Variants in SNX29 observed in about 807,000 individuals in gnomAD.
The protein encoded by SNX29 is sorting nexin-29.
Under a neutral mutation model 102.1 loss-of-function variants are expected in SNX29, and 78 were observed. That is an observed-to-expected ratio of 0.76 (90% CI 0.64 to 0.92). The LOEUF (loss-of-function observed/expected upper bound fraction) is 0.92. Ranked by LOEUF, SNX29 falls within the 40% of genes least tolerant of loss-of-function variation. The pLI is 0.00. For missense variants in SNX29, 1,280 were observed against 1,061.7 expected (o/e 1.21, Z -2.86); for synonymous variants, 580 against 414.5 (o/e 1.40, Z -4.85).
Position 12,571,622 on chromosome 16 carries a change from CT to C in SNX29, c.*3000del. 9 of 1,059,356 alleles carry C rather than the reference CT, an allele frequency of 8.5e-6. No individual in the cohort carries two copies. Among genetic ancestry groups the C allele is most frequent in the Non-Finnish European group, 9.1e-6 (8 of 875,670 alleles). 65.6% of individuals were successfully genotyped at this position (1,059,356 alleles called of 1,614,324 possible). A position where few individuals can be genotyped will look rare whatever the true frequency, so the allele number is the denominator to read the frequency against. ...GAACAGCAGGTTCCATCTTTCACAT[CT>C]TTTTTTCTCCCCCAGATGAAAGACG... On this transcript the variant is annotated 3_prime_UTR_variant, in exon 21 of 21. Coordinates refer to ENST00000566228, the MANE Select transcript of SNX29 (RefSeq NM_032167.5).
intron 8 of SNX29, among the ~76,000 whole-genome samples, chr16:12,058,495 G>GTTTTTTTTTTTTTTTTTT (rs1249420541): frequency 1.5e-4 from 16 of 106,540 alleles, no homozygotes; most frequent in Non-Finnish European, 2.5e-4. Context: ...TTGGTTTTTG[G>GTTTTTTTTTTTTTTTTTT]TTTTTTTTTT....
intron 20 of SNX29, among the ~76,000 whole-genome samples, chr16:12,545,004 G>C (rs1159766627): frequency 6.6e-6 from 1 of 152,220 alleles, no homozygotes; most frequent in Non-Finnish European, 1.5e-5. Flanking sequence ...GGCACAGCTA[G>C]GAAGCAGCAG....
At chr16:12,503,537 A>T (rs2096345701) in intron 19 of SNX29, among the ~76,000 whole-genome samples, 1 of 152,186 alleles carries the variant, frequency 6.6e-6, no homozygotes, top group African/African-American at 2.4e-5. Flanking sequence ...TTTCAGTGAG[A>T]AGCTGAGGAA....
At chr16:12,401,327 C>G (rs1301274670) in intron 17 of SNX29, among the ~76,000 whole-genome samples, 1 of 151,150 alleles carries the variant, frequency 6.6e-6, no homozygotes, top group East Asian at 1.9e-4. Context: ...TGAAATCATC[C>G]AAAGTATCTT....
intron 15 of SNX29, among the ~76,000 whole-genome samples, chr16:12,317,669 G>T (rs188828290): frequency 1.3e-5 from 2 of 152,350 alleles, no homozygotes; most frequent in African/African-American, 4.8e-5. Context: ...GCTTCACAGG[G>T]ACTAAGTGTG....
intron 18 of SNX29, among the ~76,000 whole-genome samples, chr16:12,440,996 A>G (rs1597387953): frequency 6.6e-6 from 1 of 152,096 alleles, no homozygotes; most frequent in Non-Finnish European, 1.5e-5. Flanking sequence ...CGTAGAAATC[A>G]TACAATACGT....
At chr16:12,564,682 C>T (rs1049411230) in intron 20 of SNX29, among the ~76,000 whole-genome samples, 1 of 150,170 alleles carries the variant, frequency 6.7e-6, no homozygotes, top group Non-Finnish European at 1.5e-5. Context: ...ACACATTCCT[C>T]TGTTGCTTAG....
chr16:12,189,722 T>G (rs2076596142), intron 13 of SNX29, among the ~76,000 whole-genome samples: 1 of 152,148 alleles, frequency 6.6e-6, no homozygotes, highest in African/African-American at 2.4e-5. Flanking sequence ...GATTGTTCAG[T>G]TTCTATTTTA....
chr16:12,564,042 A>T (rs4780450), intron 20 of SNX29, among the ~76,000 whole-genome samples: 129,091 of 152,138 alleles, frequency 0.85, 55,061 homozygotes, highest in African/African-American at 0.92. Flanking sequence ...GCACCGGTAA[A>T]AGGTTGTGGT....
chr16:12,347,635 G>C (rs1027886875), intron 15 of SNX29, among the ~76,000 whole-genome samples: 2 of 152,140 alleles, frequency 1.3e-5, no homozygotes, highest in African/African-American at 4.8e-5. Context: ...CACTTAGAGT[G>C]CTATCAGACC....
chr16:12,436,328 C>T (rs1283462917), intron 18 of SNX29, among the ~76,000 whole-genome samples: 2 of 152,142 alleles, frequency 1.3e-5, no homozygotes, highest in East Asian at 1.9e-4. Context: ...GGGGAAGGAA[C>T]GAAGACAGGA....
At chr16:12,528,071 C>CAAAGTGGGAATA (rs2076834626) in intron 20 of SNX29, among the ~76,000 whole-genome samples, 1 of 152,080 alleles carries the variant, frequency 6.6e-6, no homozygotes, top group African/African-American at 2.4e-5. Context: ...GTTATTCCCC[C>CAAAGTGGGAATA]ACCTTGGCCT....
chr16:12,475,076 T>A (rs1478247727), intron 18 of SNX29, among the ~76,000 whole-genome samples: 2 of 152,234 alleles, frequency 1.3e-5, no homozygotes, highest in Non-Finnish European at 2.9e-5. Flanking sequence ...TAGACCTGAA[T>A]TCTCTCCATA....
At chr16:12,543,351 T>G (rs1052461795) in intron 20 of SNX29, among the ~76,000 whole-genome samples, 1 of 152,128 alleles carries the variant, frequency 6.6e-6, no homozygotes. Flanking sequence ...AGCAGGGTGT[T>G]CAGCCCACCT....
intron 20 of SNX29, among the ~76,000 whole-genome samples, chr16:12,533,921 A>T (rs1325044635): frequency 1.3e-5 from 2 of 152,224 alleles, no homozygotes; most frequent in Non-Finnish European, 2.9e-5. Context: ...TTCATATAAA[A>T]TCTGATGTTT....
At chr16:12,358,094 A>G (rs1180253989) in intron 16 of SNX29, among the ~76,000 whole-genome samples, 1 of 152,198 alleles carries the variant, frequency 6.6e-6, no homozygotes, top group African/African-American at 2.4e-5. Context: ...CGTTTCTTTA[A>G]GGTCAGTACC....
At chr16:12,202,869 A>G (rs551652345) in intron 14 of SNX29, among the ~76,000 whole-genome samples, 2 of 152,324 alleles carry the variant, frequency 1.3e-5, no homozygotes, top group South Asian at 2.1e-4. Flanking sequence ...CATCACTTCA[A>G]CCTTAGGGTT....
At chr16:12,392,639 G>T (rs2083569476) in intron 16 of SNX29, among the ~76,000 whole-genome samples, 1 of 152,212 alleles carries the variant, frequency 6.6e-6, no homozygotes, top group Non-Finnish European at 1.5e-5. Flanking sequence ...GTCTATGTTT[G>T]TGTGAGGTTT....
At chr16:12,132,753 A>G (rs2054514512) in intron 13 of SNX29, among the ~76,000 whole-genome samples, 1 of 152,202 alleles carries the variant, frequency 6.6e-6, no homozygotes, top group South Asian at 2.1e-4. Flanking sequence ...GGTTGCTAAG[A>G]GTTTAAGGTG....
Sources: gnomAD v4.1 joint callset for allele counts (sites outside exome capture counted in the v4.1 genomes callset) on GRCh38, gnomAD v4.1.1 for gene constraint, MANE v1.5 for transcripts, NCBI Gene and HGNC (gene_info 2026-07-23, HGNC 2026-07-21) for gene names.